Variants in LRMDA observed in about 807,000 individuals in gnomAD.
LRMDA encodes the protein leucine-rich melanocyte differentiation-associated protein.
LRMDA carries 18 observed loss-of-function variants against 29.8 expected under a neutral mutation model. The ratio of observed to expected loss-of-function variants is 0.60; its 90% CI spans 0.42 to 0.90. The LOEUF is 0.90. Ranked by LOEUF, LRMDA falls within the 40% of genes least tolerant of loss-of-function variation. LRMDA has a pLI of 0.00. For missense variants in LRMDA, 273 were observed against 273.9 expected, an observed-to-expected ratio of 1.00 and a Z score of 0.02; for synonymous variants, 125 against 109.4, an observed-to-expected ratio of 1.14 and a Z score of -0.89.
chr10:76,203,665 C>T (rs1041291926), intron 5 of LRMDA, among the ~76,000 whole-genome samples: 1 of 152,120 alleles, frequency 6.6e-6, no homozygotes, highest in Non-Finnish European at 1.5e-5. Context: ...TGCCCGTCCA[C>T]CCATCTCTAT....
At chr10:76,359,262 A>G (rs926937609) in intron 6 of LRMDA, among the ~76,000 whole-genome samples, 4 of 152,308 alleles carry the variant, frequency 2.6e-5, no homozygotes, top group Admixed American at 1.3e-4. Context: ...CATTGAAAAA[A>G]TATTGAGTAA....
chr10:75,969,167 G>A (rs1395212351), intron 2 of LRMDA, among the ~76,000 whole-genome samples: 1 of 152,130 alleles, frequency 6.6e-6, no homozygotes, highest in Non-Finnish European at 1.5e-5. Context: ...TGTCTATGTT[G>A]CCTTAATATC....
At chr10:75,449,927 G>A (rs1864576) in intron 2 of LRMDA, among the ~76,000 whole-genome samples, 6,863 of 152,134 alleles carry the variant, frequency 0.045, 495 homozygotes, top group African/African-American at 0.16. Flanking sequence ...GTGCGTGGGG[G>A]TGTGTGTGTA....
chr10:76,403,021 G>A (rs758108285), intron 6 of LRMDA, among the ~76,000 whole-genome samples: 2 of 151,666 alleles, frequency 1.3e-5, no homozygotes, highest in Admixed American at 6.6e-5. Flanking sequence ...GCACCTTATG[G>A]CCCAAACTGG....
chr10:75,487,743 T>C (rs1391628090), intron 2 of LRMDA, among the ~76,000 whole-genome samples: 3 of 152,216 alleles, frequency 2.0e-5, no homozygotes, highest in Non-Finnish European at 4.4e-5. Context: ...GCACTCTCAG[T>C]GTCCAAGTGC....
chr10:76,338,138 G>T (rs12268613), intron 6 of LRMDA, among the ~76,000 whole-genome samples: 16,335 of 150,954 alleles, frequency 0.11, 1,031 homozygotes, highest in East Asian at 0.32. Flanking sequence ...TACTGCTTTT[G>T]ATCAGAAACT....
chr10:76,264,599 C>T (rs760849336), intron 5 of LRMDA, among the ~76,000 whole-genome samples: 5 of 152,060 alleles, frequency 3.3e-5, no homozygotes, highest in Non-Finnish European at 7.3e-5. Context: ...AGATTTTGCT[C>T]TCTTAAATTC....
chr10:75,947,875 C>T (rs371371568), intron 2 of LRMDA, among the ~76,000 whole-genome samples: 2 of 152,094 alleles, frequency 1.3e-5, no homozygotes, highest in South Asian at 2.1e-4. Flanking sequence ...TCTTAGAGCT[C>T]GTTGTTTCAA....
chr10:75,560,343 T>C (rs1031844736), intron 2 of LRMDA, among the ~76,000 whole-genome samples: 19 of 151,714 alleles, frequency 1.3e-4, no homozygotes, highest in African/African-American at 4.1e-4. Context: ...TTGTCTGTTA[T>C]TGGTGTATAA....
At chr10:75,876,827 A>T (rs909256349) in intron 2 of LRMDA, among the ~76,000 whole-genome samples, 1 of 152,176 alleles carries the variant, frequency 6.6e-6, no homozygotes, top group East Asian at 1.9e-4. Context: ...TTTGTGAAGC[A>T]CTTTAACACC....
At chr10:75,709,179 AT>A (rs550352712) in intron 2 of LRMDA, among the ~76,000 whole-genome samples, 16 of 152,024 alleles carry the variant, frequency 1.1e-4, no homozygotes, top group African/African-American at 2.7e-4. Context: ...AAGCACCTTA[AT>A]TTTTTTTATT....
intron 6 of LRMDA, among the ~76,000 whole-genome samples, chr10:76,478,942 A>G (rs1842708072): frequency 6.6e-6 from 1 of 151,864 alleles, no homozygotes. Context: ...AGATATACCT[A>G]ATGTAAATGA....
intron 6 of LRMDA, among the ~76,000 whole-genome samples, chr10:76,337,868 T>C (rs988877210): frequency 6.6e-6 from 1 of 152,008 alleles, no homozygotes; most frequent in Non-Finnish European, 1.5e-5. Context: ...TAGTTAGTGG[T>C]TTCTTGTTGG....
intron 2 of LRMDA, among the ~76,000 whole-genome samples, chr10:75,662,996 G>A (rs189413931): frequency 6.6e-6 from 1 of 152,278 alleles, no homozygotes; most frequent in Admixed American, 6.5e-5. Context: ...TTGGAACTTT[G>A]TCTGGACTTC....
chr10:75,449,362 G>T (rs1057242498), intron 2 of LRMDA, among the ~76,000 whole-genome samples: 1 of 152,054 alleles, frequency 6.6e-6, no homozygotes, highest in Non-Finnish European at 1.5e-5. Flanking sequence ...CCACCCTGAT[G>T]GTTAAATGGG....
chr10:76,343,360 G>A (rs1225714187), intron 6 of LRMDA, among the ~76,000 whole-genome samples: 1 of 152,132 alleles, frequency 6.6e-6, no homozygotes, highest in African/African-American at 2.4e-5. Context: ...AACTATAGGT[G>A]CAAAAATGCT....
At chr10:75,440,116 C>G (rs1290647414) in intron 2 of LRMDA, among the ~76,000 whole-genome samples, 1 of 150,830 alleles carries the variant, frequency 6.6e-6, no homozygotes, top group Non-Finnish European at 1.5e-5. Flanking sequence ...CCCTGCCTTT[C>G]TTTGGGAGAG....
At position 75,542,376 on chromosome 10, in the gene LRMDA, T is replaced by C. The variant is rs558034228; in HGVS notation, c.131+103882T>C. 2.6e-5 allele frequency among the ~76,000 whole-genome samples: 4 copies of C among 152,260 alleles called. No individual in the cohort carries two copies. In the East Asian group the frequency reaches 5.8e-4, roughly 22 times the overall value. Reference sequence around the variant, plus strand: ...CAGCAAGACAAAGGAGTGTTTGCACTTTCACAGAGTTAATAATGACAGTAG... The same window carrying C: ...CAGCAAGACAAAGGAGTGTTTGCACCTTCACAGAGTTAATAATGACAGTAG... On this transcript the variant is annotated intron_variant, in intron 2 of 6. Coordinates refer to ENST00000611255, the MANE Select transcript of LRMDA (RefSeq NM_001305581.2).
intron 6 of LRMDA, among the ~76,000 whole-genome samples, chr10:76,533,640 A>G (rs1254859131): frequency 6.6e-6 from 1 of 152,182 alleles, no homozygotes; most frequent in Non-Finnish European, 1.5e-5. Flanking sequence ...AAGAATAGAC[A>G]CTGTCTACTT....
Sources: allele counts gnomAD v4.1 joint callset (sites outside exome capture counted in the v4.1 genomes callset), GRCh38; gene constraint gnomAD v4.1.1; transcripts MANE v1.5; gene names NCBI Gene and HGNC (gene_info 2026-07-23, HGNC 2026-07-21).